The following SPRYD3 variants were observed in gnomAD, a reference collection of about 807,000 sequenced individuals.
The protein encoded by SPRYD3 is SPRY domain containing 3, also known as SPRY domain-containing protein 3.
Under a neutral mutation model 50.1 loss-of-function variants are expected in SPRYD3, and 17 were observed. The observed-to-expected ratio is 0.34, with a 90% CI of 0.23 to 0.51. The LOEUF (loss-of-function observed/expected upper bound fraction) is 0.51, where lower values mean the gene tolerates loss of function less well. Among genes scored for constraint, SPRYD3 ranks in the 20% least tolerant of loss-of-function variants. SPRYD3 has a pLI of 0.97. For synonymous variants in SPRYD3, 198 were observed against 215.5 expected, an observed-to-expected ratio of 0.92 and a Z score of 0.71; for missense variants, 401 against 591.2, an observed-to-expected ratio of 0.68 and a Z score of 3.34.
intron 7 of SPRYD3, 137 bp downstream of exon 7, chr12:53,068,018 T>C (rs1334161626): frequency 3.1e-6 from 3 of 953,878 alleles, no homozygotes; most frequent in Non-Finnish European, 4.7e-6. Flanking sequence ...CACATACAAC[T>C]GTGTTCCATC....
chr12:53,073,414 G>A lies in SPRYD3; in HGVS notation c.565C>T (p.His189Tyr). The A allele has an allele frequency of 6.3e-7, 1 of 1,576,850 alleles. No individual in the cohort carries two copies. The highest frequency in any genetic ancestry group is 8.6e-7 in the Non-Finnish European group (1 of 1,160,820). ...PDGLFPAVGMHSLGEEVRLHL... is the reference protein window; with the variant it reads ...PDGLFPAVGMYSLGEEVRLHL... The stretch of plus-strand genomic sequence containing the variant: ...AGCCGCACCTCCTCACCCAGGGAGT[G>A]CATGCCCACTGCTGGGAACAGTCCA... Residue 189 changes from histidine (H) to tyrosine (Y), a missense_variant, in exon 6 of 11, where the codon CAC becomes TAC. Transcript: ENST00000301463.
rs1463500850 is a variant in SPRYD3, at chr12:53,066,429, C to T, written c.1079G>A (p.Arg360Gln). ...VILSPTARAV[R>Q]NVRNVMYLHQ... ...CAGGTACATGACATTCCGCACGTTCCGGACGGCCCGGGCAGTCGGAGACAG... is the reference window on the plus strand; with the variant it reads ...CAGGTACATGACATTCCGCACGTTCTGGACGGCCCGGGCAGTCGGAGACAG... The change falls in exon 10 of 11, where the codon CGG becomes CAG. Residue 360 changes from arginine to glutamine, a missense_variant. Transcript: ENST00000301463. 7.4e-6 allele frequency: 12 copies of T among 1,613,998 alleles called. No homozygotes were observed. The highest frequency in any genetic ancestry group is 4.5e-5 in the East Asian group (2 of 44,892).
At position 53,073,457 on chromosome 12, in the gene SPRYD3, G is replaced by A. The variant is rs142461742; in HGVS notation, c.522C>T (p.Ile174=). The A allele has an allele frequency of 5.1e-6, 8 of 1,553,426 alleles. No individual in the cohort carries two copies. In the African/African-American group the frequency reaches 1.1e-4, roughly 21 times the overall value. ...TKNGKRVGST[I]MPMSPDGLFP... ...ACAGTCCATCTGGGGACATGGGCAT[G>A]ATGGTAGAGCCCACCTGCAGTGGGG... is the stretch of plus-strand genomic sequence containing the variant. The change falls in exon 6 of 11, where the codon ATC becomes ATT. Residue 174 remains isoleucine, a synonymous_variant. Coordinates refer to ENST00000301463, the MANE Select transcript of SPRYD3 (RefSeq NM_032840.3).
intron 2 of SPRYD3, 74 bp downstream of exon 2, chr12:53,077,041 T>TAA (rs376607939): frequency 1.9e-4 from 216 of 1,129,234 alleles, no homozygotes; most frequent in Non-Finnish European, 2.3e-4. Flanking sequence ...AAATAAAAGT[T>TAA]AAAAAAAAAA....
intron 6 of SPRYD3, among the ~76,000 whole-genome samples, chr12:53,068,835 A>G (rs1271171480): frequency 6.6e-6 from 1 of 152,190 alleles, no homozygotes; most frequent in Non-Finnish European, 1.5e-5. Context: ...TGGGCCTGAC[A>G]TAATTTCTCA....
At chr12:53,078,426 T>C (rs1944606265) in intron 1 of SPRYD3, among the ~76,000 whole-genome samples, 1 of 151,044 alleles carries the variant, frequency 6.6e-6, no homozygotes, top group Non-Finnish European at 1.5e-5. Flanking sequence ...GAGGTGGAGT[T>C]TGCAGTGAGC....
chr12:53,071,177 A>G (rs1592265260), intron 6 of SPRYD3, among the ~76,000 whole-genome samples: 1 of 151,482 alleles, frequency 6.6e-6, no homozygotes, highest in African/African-American at 2.4e-5. Context: ...CCAAGTACAC[A>G]CTCTCCTGGC....
intron 2 of SPRYD3, 76 bp from the exon 3 acceptor site, chr12:53,075,887 C>T: frequency 1.7e-6 from 2 of 1,157,836 alleles, no homozygotes; most frequent in African/African-American, 3.0e-5. Flanking sequence ...CTTCTCCCAC[C>T]CTTACCCTGC....
chr12:53,079,353 G>T lies in SPRYD3; in HGVS notation c.-20C>A, dbSNP rs200612286. On this transcript the variant is annotated 5_prime_UTR_variant, in exon 1 of 11. The change creates a premature stop within an existing upstream ORF in the 5' untranslated region. Transcript: ENST00000301463. ...CCTCATCCATAGGCCTCTCAGCTCC[G>T]CACACAAGCTCTTCGGCCGCCGCCA... 2.5e-5 allele frequency: 40 copies of T among 1,603,838 alleles called. No individual in the cohort carries two copies. In the Admixed American group the frequency reaches 5.1e-4, roughly 20 times the overall value.
At chr12:53,079,182 A>G in intron 1 of SPRYD3, 129 bp downstream of exon 1, 2 of 977,204 alleles carry the variant, frequency 2.0e-6, no homozygotes, top group South Asian at 1.5e-5. Flanking sequence ...CAGCAACAGA[A>G]GAAGCCCAGT....
intron 6 of SPRYD3, among the ~76,000 whole-genome samples, chr12:53,072,858 G>C (rs761578980): frequency 3.3e-5 from 5 of 152,180 alleles, no homozygotes; most frequent in Non-Finnish European, 7.3e-5. Context: ...AGATGGCTAA[G>C]AACCTTCCAC....
intron 10 of SPRYD3, 27 bp from the exon 11 acceptor site, chr12:53,065,993 G>A: frequency 6.2e-7 from 1 of 1,604,918 alleles, no homozygotes; most frequent in Non-Finnish European, 8.5e-7. Flanking sequence ...GAGAAGAATG[G>A]AGCAAGCAGG....
In SPRYD3 at chr12:53,077,158, G is replaced by C; in HGVS notation, c.127C>G (p.Gln43Glu). ...ACAAGGATATGTTTGAACCTCTCCT[G>C]ATATCGGAAAGCTCGGACCTCTCGA... ...EIREVRAFRYQERFKHILVDG... is the reference protein window; with the variant it reads ...EIREVRAFRYEERFKHILVDG... Residue 43 changes from glutamine to glutamate, a missense_variant, in exon 2 of 11, where the codon CAG (glutamine) becomes GAG (glutamate). Gln to Glu is a conservative substitution (Grantham distance 29). Transcript: ENST00000301463. The C allele has an allele frequency of 6.2e-7, 1 of 1,614,164 alleles. No individual in the cohort carries two copies. Among genetic ancestry groups the C allele is most frequent in the Admixed American group, 1.7e-5 (1 of 60,030 alleles).
chr12:53,067,036 G>A (rs562001380), intron 8 of SPRYD3, among the ~76,000 whole-genome samples: 3 of 151,650 alleles, frequency 2.0e-5, no homozygotes, highest in African/African-American at 7.3e-5. Context: ...CTTGAGCCTG[G>A]GAGGCAGAGG....
rs779899786 is a variant in SPRYD3, at chr12:53,068,242, G to A, written c.756C>T (p.His252=). 1 of 1,614,212 alleles carries A rather than the reference G, an allele frequency of 6.2e-7. No homozygotes were observed. Among genetic ancestry groups the A allele is most frequent in the South Asian group, 1.1e-5 (1 of 91,084 alleles). ...IVDVGLAQAR[H]PLSTRSHYFE... ...AGTAGTGGCTGCGGGTGCTGAGTGG[G>A]TGCCGGGCCTGGGCCAGCCCCACAT... The change falls in exon 7 of 11, where the codon CAC becomes CAT. Residue 252 remains histidine, a synonymous_variant. Coordinates refer to ENST00000301463, the MANE Select transcript of SPRYD3 (RefSeq NM_032840.3).
At chr12:53,078,863 G>C (rs948999423) in intron 1 of SPRYD3, among the ~76,000 whole-genome samples, 1 of 152,164 alleles carries the variant, frequency 6.6e-6, no homozygotes, top group African/African-American at 2.4e-5. Flanking sequence ...GGCTGAATTT[G>C]ATCCCAATAC....
intron 8 of SPRYD3, 70 bp downstream of exon 8, chr12:53,067,578 G>T: frequency 6.8e-7 from 1 of 1,476,382 alleles, no homozygotes; most frequent in Non-Finnish European, 9.5e-7. Flanking sequence ...GCCAGGAGAG[G>T]GGAAAGTGGA....
intron 3 of SPRYD3, 35 bp from the exon 4 acceptor site, chr12:53,075,254 C>G (rs543664786): frequency 6.3e-7 from 1 of 1,581,744 alleles, no homozygotes; most frequent in African/African-American, 1.3e-5. Context: ...GTCAGCAGGG[C>G]TGGGAAATGG....
chr12:53,068,319 C>T lies in SPRYD3; in HGVS notation c.694-15G>A, dbSNP rs1944525003. The T allele has an allele frequency of 6.2e-7, 1 of 1,613,062 alleles. No homozygotes were observed. The highest frequency in any genetic ancestry group is 1.7e-5 in the Admixed American group (1 of 59,992). On this transcript the variant is annotated splice_polypyrimidine_tract_variant and intron_variant, in intron 6 of 10. Transcript: ENST00000301463. ...TACTCCAGCAGCTGTGGGGGAAGAG[C>T]CAGATGGGGGTCAGGGGACAGGCTG...
Sources: gnomAD v4.1 joint callset for allele counts (sites outside exome capture counted in the v4.1 genomes callset) on GRCh38, gnomAD v4.1.1 for gene constraint, MANE v1.5 for transcripts, NCBI Gene and HGNC (gene_info 2026-07-23, HGNC 2026-07-21) for gene names.